The following SLC7A8 variants were observed in gnomAD, a reference collection of about 807,000 sequenced individuals.
The protein encoded by SLC7A8 is large neutral amino acids transporter small subunit 2.
In SLC7A8, 30 loss-of-function variants were observed where a neutral mutation model predicts 51.2. The ratio of observed to expected loss-of-function variants is 0.59; its 90% CI spans 0.44 to 0.80. The LOEUF is 0.80. Ranked by LOEUF, SLC7A8 falls within the 30% of genes least tolerant of loss-of-function variation. SLC7A8 has a pLI of 0.00. For synonymous variants in SLC7A8, 257 were observed against 275.8 expected (o/e 0.93, Z 0.67); for missense variants, 612 against 674.4 (o/e 0.91, Z 1.03).
At chr14:23,161,807 A>G (rs1328600790) in intron 3 of SLC7A8, among the ~76,000 whole-genome samples, 3 of 151,474 alleles carry the variant, frequency 2.0e-5, no homozygotes, top group Non-Finnish European at 2.9e-5. Context: ...TATGCCTGTA[A>G]TCCCAGCAAC....
intron 1 of SLC7A8, among the ~76,000 whole-genome samples, chr14:23,171,629 T>G (rs1428877523): frequency 6.6e-6 from 1 of 152,246 alleles, no homozygotes; most frequent in Non-Finnish European, 1.5e-5. Context: ...CTCCTGGGGC[T>G]TCGAGGTTTT....
intron 1 of SLC7A8, among the ~76,000 whole-genome samples, chr14:23,167,158 T>C (rs533128846): frequency 1.9e-4 from 29 of 152,322 alleles, no homozygotes; most frequent in Admixed American, 1.8e-3. Flanking sequence ...GGCCCCACCC[T>C]TGGTGAAGAA....
At chr14:23,136,681 T>G (rs2140308302) in intron 7 of SLC7A8, among the ~76,000 whole-genome samples, 1 of 152,298 alleles carries the variant, frequency 6.6e-6, no homozygotes, top group South Asian at 2.1e-4. Context: ...CGCCACCGTT[T>G]CCTGCATGCA....
intron 6 of SLC7A8, 111 bp downstream of exon 6, chr14:23,139,313 G>T: frequency 6.5e-7 from 1 of 1,535,552 alleles, no homozygotes; most frequent in Non-Finnish European, 9.0e-7. Flanking sequence ...AGAACTTGGG[G>T]GTGATTTCCA....
chr14:23,137,683 C>A (rs1046848252), intron 7 of SLC7A8, among the ~76,000 whole-genome samples: 1 of 152,198 alleles, frequency 6.6e-6, no homozygotes, highest in Admixed American at 6.5e-5. Flanking sequence ...CAGGCCACTA[C>A]ATGTGAAGCA....
At chr14:23,182,434 A>T (rs755098472) in intron 1 of SLC7A8, among the ~76,000 whole-genome samples, 11 of 152,232 alleles carry the variant, frequency 7.2e-5, no homozygotes, top group Middle Eastern at 6.8e-3. Context: ...CCCTCCTTAA[A>T]CCTATTGAAC....
At chr14:23,155,988 T>C (rs373653639) in intron 3 of SLC7A8, among the ~76,000 whole-genome samples, 8 of 150,892 alleles carry the variant, frequency 5.3e-5, no homozygotes, top group East Asian at 1.9e-4. Flanking sequence ...GCTGAACTCT[T>C]TTTTCTTTTC....
At chr14:23,171,582 C>T (rs1283135587) in intron 1 of SLC7A8, among the ~76,000 whole-genome samples, 1 of 152,200 alleles carries the variant, frequency 6.6e-6, no homozygotes, top group Non-Finnish European at 1.5e-5. Flanking sequence ...TTTGGCCTTC[C>T]TTACTCATGC....
chr14:23,142,973 T>C (rs774325992), intron 4 of SLC7A8, 106 bp downstream of exon 4: 18 of 1,406,144 alleles, frequency 1.3e-5, no homozygotes, highest in East Asian at 2.3e-5. Flanking sequence ...AAGGCTAGAA[T>C]TGGGGAAATC....
intron 3 of SLC7A8, among the ~76,000 whole-genome samples, chr14:23,156,738 G>A (rs2048895396): frequency 6.6e-6 from 1 of 152,298 alleles, no homozygotes; most frequent in Non-Finnish European, 1.5e-5. Flanking sequence ...CTCCAAAACA[G>A]TTTCCTGTTT....
Position 23,129,803 on chromosome 14 carries a change from G to A in SLC7A8, c.1114-4C>T. The A allele has an allele frequency of 6.2e-7, 1 of 1,613,938 alleles. No homozygotes were observed. Among genetic ancestry groups the A allele is most frequent in the Non-Finnish European group, 8.5e-7 (1 of 1,179,902 alleles). On this transcript the variant is annotated splice_polypyrimidine_tract_variant and splice_region_variant and intron_variant, in intron 8 of 10. Coordinates refer to ENST00000316902, the MANE Select transcript of SLC7A8 (RefSeq NM_012244.4). ...GCATCAGCAGGGTGGAGATGCACTG[G>A]GAAAGTGGGAGGAGCTCATCAGTGA... is the stretch of plus-strand genomic sequence containing the variant.
chr14:23,159,513 T>G (rs2048910531), intron 3 of SLC7A8, among the ~76,000 whole-genome samples: 1 of 152,240 alleles, frequency 6.6e-6, no homozygotes, highest in East Asian at 1.9e-4. Flanking sequence ...AAGAAGGCAG[T>G]GCTGCCCAGG....
chr14:23,164,848 C>T (rs545829931), intron 3 of SLC7A8, among the ~76,000 whole-genome samples: 8 of 152,008 alleles, frequency 5.3e-5, no homozygotes, highest in Admixed American at 2.0e-4. Context: ...AAAAATTAGC[C>T]GGGCATGGTG....
chr14:23,136,620 G>T (rs1000156120), intron 7 of SLC7A8, among the ~76,000 whole-genome samples: 5 of 152,212 alleles, frequency 3.3e-5, no homozygotes, highest in African/African-American at 1.2e-4. Flanking sequence ...GAGCAGGGGA[G>T]GCCTGGGTGG....
intron 3 of SLC7A8, among the ~76,000 whole-genome samples, chr14:23,143,805 GT>G (rs1046340776): frequency 2.6e-5 from 4 of 152,108 alleles, no homozygotes; most frequent in African/African-American, 9.7e-5. Flanking sequence ...TTTGTAGTCA[GT>G]TAGGCAAATC....
At chr14:23,157,592 T>C (rs2048900877) in intron 3 of SLC7A8, among the ~76,000 whole-genome samples, 1 of 152,216 alleles carries the variant, frequency 6.6e-6, no homozygotes, top group Non-Finnish European at 1.5e-5. Flanking sequence ...GGTGTGGCTA[T>C]ACTGAACAAC....
chr14:23,173,610 G>A (rs1032713679), intron 1 of SLC7A8, among the ~76,000 whole-genome samples: 3 of 151,990 alleles, frequency 2.0e-5, no homozygotes, highest in African/African-American at 7.3e-5. Flanking sequence ...TTCTCTCCTC[G>A]AGTTAAAGGA....
In SLC7A8 at chr14:23,135,770, G is replaced by A. The variant is rs59903751; in HGVS notation, c.1016+2151C>T. ...AGCATAAAGAAAAGACAATATTGAA[G>A]GAGATGGGATATCTCAATTACTCTG... is the stretch of plus-strand genomic sequence containing the variant. On this transcript the variant is annotated intron_variant, in intron 7 of 10. Transcript: ENST00000316902. Among the ~76,000 whole-genome samples, 787 of 152,206 alleles carry A rather than the reference G, an allele frequency of 5.2e-3. 10 individuals are homozygous for A. The highest frequency in any genetic ancestry group is 0.018 in the African/African-American group (739 of 41,528).
At chr14:23,135,034 C>T (rs958670122) in intron 7 of SLC7A8, among the ~76,000 whole-genome samples, 7 of 152,056 alleles carry the variant, frequency 4.6e-5, no homozygotes, top group African/African-American at 9.7e-5. Flanking sequence ...CCCAAAGCAC[C>T]GGGATTACAG....
Sources: allele counts gnomAD v4.1 joint callset (sites outside exome capture counted in the v4.1 genomes callset), GRCh38; gene constraint gnomAD v4.1.1; transcripts MANE v1.5; gene names NCBI Gene and HGNC (gene_info 2026-07-23, HGNC 2026-07-21).